BCL11A: variants seen among roughly 807,000 people sequenced by gnomAD.
The protein encoded by BCL11A is B cell CLL/lymphoma 11A.
Under a neutral mutation model 55.9 loss-of-function variants are expected in BCL11A, and 2 were observed. The observed-to-expected ratio is 0.04, with a 90% CI of 0.01 to 0.11. BCL11A has a LOEUF of 0.11. BCL11A is among the 10% of genes least tolerant of loss of function. BCL11A has a pLI of 1.00. For missense variants in BCL11A, 817 were observed against 1,137.1 expected (o/e 0.72, Z 4.05); for synonymous variants, 465 against 473.4 (o/e 0.98, Z 0.23).
At chr2:60,536,162 C>G (rs1669660993) in intron 2 of BCL11A, 1 of 152,230 alleles carries the variant, frequency 6.6e-6, no homozygotes, top group African/African-American at 2.4e-5. Flanking sequence ...GACCCAAAAG[C>G]TCTCTGCTGT....
In BCL11A at chr2:60,459,334, T is replaced by C; in HGVS notation, c.*1070A>G. 1 of 1,018,212 alleles carries C rather than the reference T, an allele frequency of 9.8e-7. No homozygotes were observed. Among genetic ancestry groups the C allele is most frequent in the Non-Finnish European group, 1.2e-6 (1 of 848,512 alleles). 63.1% of individuals were successfully genotyped at this position (1,018,212 alleles called of 1,614,324 possible). ...ATAAAATGAACTCCTTACTAGTGTATTTAATTGCGTTCCAGGGCTTTTGCA... is the reference window on the plus strand; with the variant it reads ...ATAAAATGAACTCCTTACTAGTGTACTTAATTGCGTTCCAGGGCTTTTGCA... On this transcript the variant is annotated 3_prime_UTR_variant, in exon 4 of 4. Transcript: ENST00000642384.
At chr2:60,549,103 C>A (rs1670278667) in intron 1 of BCL11A, among the ~76,000 whole-genome samples, 3 of 152,106 alleles carry the variant, frequency 2.0e-5, no homozygotes, top group Admixed American at 2.0e-4. Context: ...GGCAAATAAT[C>A]ATAATAATTA....
At chr2:60,504,797 C>T (rs1679482240) in intron 2 of BCL11A, among the ~76,000 whole-genome samples, 1 of 152,112 alleles carries the variant, frequency 6.6e-6, no homozygotes, top group Non-Finnish European at 1.5e-5. Context: ...CATATCTGTC[C>T]CTGAAAATGC....
intron 2 of BCL11A, chr2:60,478,197 TCTTCCCAAAGTA>T (rs1460475194): frequency 2.0e-5 from 3 of 152,370 alleles, no homozygotes; most frequent in African/African-American, 7.2e-5. Context: ...AGTGTTATGT[TCTTCCCAAAGTA>T]CTCTCCTCAC....
intron 1 of BCL11A, among the ~76,000 whole-genome samples, chr2:60,549,161 C>G (rs1670281640): frequency 6.6e-6 from 1 of 152,140 alleles, no homozygotes; most frequent in Admixed American, 6.5e-5. Context: ...AAATAAAATG[C>G]TTCTACGTTC....
chr2:60,536,596 A>G (rs1328725251), intron 2 of BCL11A: 14 of 152,292 alleles, frequency 9.2e-5, no homozygotes, highest in Middle Eastern at 3.4e-3. Context: ...TTAGAAACCA[A>G]TGCTACACTA....
chr2:60,533,903 T>G (rs1436494114), intron 2 of BCL11A: 2 of 152,224 alleles, frequency 1.3e-5, no homozygotes, highest in African/African-American at 4.8e-5. Context: ...GGTAGGGCAG[T>G]GCTAGGTCCC....
intron 2 of BCL11A, among the ~76,000 whole-genome samples, chr2:60,505,442 C>A (rs550139026): frequency 6.6e-6 from 1 of 152,328 alleles, no homozygotes; most frequent in African/African-American, 2.4e-5. Context: ...AGGTAGTCAG[C>A]CGAGTGAGGC....
intron 2 of BCL11A, among the ~76,000 whole-genome samples, chr2:60,519,556 T>TGCCG (rs1168131686): frequency 6.6e-6 from 1 of 151,588 alleles, no homozygotes; most frequent in Non-Finnish European, 1.5e-5. Context: ...CCTGCCTGCC[T>TGCCG]GCCTGCCTGC....
At chr2:60,482,477 C>T (rs964913754) in intron 2 of BCL11A, among the ~76,000 whole-genome samples, 2 of 152,214 alleles carry the variant, frequency 1.3e-5, no homozygotes, top group African/African-American at 4.8e-5. Flanking sequence ...CATGTGACAA[C>T]TTTGCCACAA....
At chr2:60,521,073 ACACACACACACACACACACACACACACT>A (rs1232773632) in intron 2 of BCL11A, among the ~76,000 whole-genome samples, 2 of 75,284 alleles carry the variant, frequency 2.7e-5, no homozygotes, top group Non-Finnish European at 6.4e-5. Context: ...GTCAGCACAC[ACACACACACACACACACACACACACACT>A]CACACACACA....
intron 2 of BCL11A, among the ~76,000 whole-genome samples, chr2:60,538,735 CTCTCTGTGTGTGTGTG>C (rs1277886542): frequency 1.1e-3 from 75 of 69,360 alleles, no homozygotes; most frequent in African/African-American, 2.9e-3. Flanking sequence ...CTCTCTCTCT[CTCTCTGTGTGTGTGTG>C]TGTGTGTGTG....
chr2:60,489,249 T>C lies in BCL11A; in HGVS notation c.386-20416A>G, dbSNP rs574600970. 1.1e-3 allele frequency among the ~76,000 whole-genome samples: 160 copies of C among 152,332 alleles called. 1 individual carries two copies. The highest frequency in any genetic ancestry group is 1.9e-3 in the Non-Finnish European group (128 of 68,020). On this transcript the variant is annotated intron_variant, in intron 2 of 3. Transcript: ENST00000642384. ...CAGTCAACACTAGCCCACATGCCAA[T>C]GGGGTCCTTGTCAGTCACTTACACT...
intron 2 of BCL11A, among the ~76,000 whole-genome samples, chr2:60,515,482 C>T (rs945298660): frequency 2.0e-5 from 3 of 152,188 alleles, no homozygotes; most frequent in African/African-American, 2.4e-5. Context: ...AATACACCCA[C>T]GAGCCAATGT....
chr2:60,528,339 CA>C (rs1669299255), intron 2 of BCL11A: 1 of 152,564 alleles, frequency 6.6e-6, no homozygotes, highest in African/African-American at 2.4e-5. Flanking sequence ...CTGACCAAGC[CA>C]CACACAAACA....
downstream of BCL11A, chr2:60,457,054 C>A (rs1390399608): frequency 6.1e-6 from 1 of 163,566 alleles, no homozygotes; most frequent in African/African-American, 2.4e-5. Flanking sequence ...ACTTTATGTT[C>A]CTTTAGGGTA....
intron 2 of BCL11A, chr2:60,526,212 T>C (rs954139504): frequency 1.3e-5 from 2 of 152,196 alleles, no homozygotes; most frequent in South Asian, 4.1e-4. Context: ...AATCCCATAT[T>C]TTGGGATGAT....
chr2:60,468,059 A>ATGGTAC, intron 3 of BCL11A, among the ~76,000 whole-genome samples: 1 of 77,032 alleles, frequency 1.3e-5, no homozygotes, highest in Non-Finnish European at 2.5e-5. Flanking sequence ...ACTGGTGGTG[A>ATGGTAC]TGGTGGTGGT....
chr2:60,532,010 C>T (rs1287461199), intron 2 of BCL11A, among the ~76,000 whole-genome samples: 2 of 152,180 alleles, frequency 1.3e-5, no homozygotes, highest in African/African-American at 4.8e-5. Context: ...GCCACACCGC[C>T]GGGCCCCTGC....
Sources: gnomAD v4.1 joint callset for allele counts (sites outside exome capture counted in the v4.1 genomes callset) on GRCh38, gnomAD v4.1.1 for gene constraint, MANE v1.5 for transcripts, NCBI Gene and HGNC (gene_info 2026-07-23, HGNC 2026-07-21) for gene names.